Variants in SLF1 observed in about 807,000 individuals in gnomAD.
SLF1 encodes the protein SMC5-SMC6 complex localization factor protein 1.
In SLF1, 105 loss-of-function variants were observed where a neutral mutation model predicts 123.0. The observed-to-expected ratio is 0.85, with a 90% CI of 0.73 to 1.00. The LOEUF is 1.00. Among genes scored for constraint, SLF1 ranks in the 50% least tolerant of loss-of-function variants. SLF1 has a pLI of 0.00. For missense variants in SLF1, 1,239 were observed against 1,223.0 expected, an observed-to-expected ratio of 1.01 and a Z score of -0.20; for synonymous variants, 434 against 406.6, an observed-to-expected ratio of 1.07 and a Z score of -0.81.
chr5:94,682,692 A>G (rs1751949505), intron 15 of SLF1, among the ~76,000 whole-genome samples: 1 of 152,228 alleles, frequency 6.6e-6, no homozygotes, highest in South Asian at 2.1e-4. Flanking sequence ...TCTCATGTTC[A>G]TCAGTTCCAT....
intron 10 of SLF1, among the ~76,000 whole-genome samples, chr5:94,662,714 A>T: frequency 6.6e-6 from 1 of 152,084 alleles, no homozygotes; most frequent in East Asian, 1.9e-4. Context: ...AAAGAAAATG[A>T]TACCTTTATT....
At position 94,695,403 on chromosome 5, in the gene SLF1, TTTGA is replaced by T. The variant is rs1169649124; in HGVS notation, c.*94_*97del. On this transcript the variant is annotated 3_prime_UTR_variant, in exon 21 of 21. Transcript: ENST00000265140. ...TTCATAGCTTACTGACAGATAGTAA[TTTGA>T]TTTATTTATTGACAGACTTTGCAGC... 6 of 1,353,562 alleles carry T rather than the reference TTTGA, an allele frequency of 4.4e-6. No individual in the cohort carries two copies. The highest frequency in any genetic ancestry group is 3.9e-6 in the Non-Finnish European group (4 of 1,032,308). 83.8% of individuals were successfully genotyped at this position (1,353,562 alleles called of 1,614,324 possible).
At chr5:94,639,924 A>G (rs1303493311) in intron 4 of SLF1, among the ~76,000 whole-genome samples, 1 of 152,150 alleles carries the variant, frequency 6.6e-6, no homozygotes, top group Non-Finnish European at 1.5e-5. Flanking sequence ...TCACGGGTCA[A>G]CTGTATTTCC....
At chr5:94,659,331 A>G (rs1748788849) in intron 9 of SLF1, among the ~76,000 whole-genome samples, 3 of 151,576 alleles carry the variant, frequency 2.0e-5, no homozygotes, top group Admixed American at 1.3e-4. Flanking sequence ...TAGGAATTTC[A>G]TTGGTTTCCT....
chr5:94,657,768 G>A (rs1374716519), intron 9 of SLF1, among the ~76,000 whole-genome samples: 1 of 151,950 alleles, frequency 6.6e-6, no homozygotes, highest in East Asian at 1.9e-4. Context: ...ATATCTTCTT[G>A]CGGAATTGAT....
intron 4 of SLF1, among the ~76,000 whole-genome samples, chr5:94,636,264 T>C (rs1046363455): frequency 6.6e-6 from 1 of 152,236 alleles, no homozygotes; most frequent in African/African-American, 2.4e-5. Flanking sequence ...CTTGGTATAC[T>C]CCTTTGGGTT....
chr5:94,652,699 C>G (rs188567618), intron 7 of SLF1, among the ~76,000 whole-genome samples: 202 of 152,202 alleles, frequency 1.3e-3, no homozygotes, highest in Non-Finnish European at 4.6e-4. Flanking sequence ...AGTAATTTCT[C>G]TAGCTTAGTT....
At chr5:94,692,434 TA>T (rs373463147) in intron 20 of SLF1, among the ~76,000 whole-genome samples, 178 bp downstream of exon 20, 21 of 152,280 alleles carry the variant, frequency 1.4e-4, no homozygotes, top group African/African-American at 4.8e-4. Context: ...TTATTAGAGA[TA>T]AAATCCTTTT....
intron 15 of SLF1, among the ~76,000 whole-genome samples, chr5:94,682,628 C>G (rs1751935729): frequency 6.6e-6 from 1 of 152,106 alleles, no homozygotes; most frequent in African/African-American, 2.4e-5. Context: ...ATTGTTTTGT[C>G]AAGAATTAAG....
chr5:94,652,091 T>A (rs1279681801), intron 7 of SLF1, among the ~76,000 whole-genome samples: 1 of 151,774 alleles, frequency 6.6e-6, no homozygotes, highest in Non-Finnish European at 1.5e-5. Flanking sequence ...CACTGCAACC[T>A]CTGCCTCCTG....
At chr5:94,675,308 G>A (rs1201514090) in intron 14 of SLF1, among the ~76,000 whole-genome samples, 1 of 152,184 alleles carries the variant, frequency 6.6e-6, no homozygotes, top group Non-Finnish European at 1.5e-5. Flanking sequence ...GAATTCTAAG[G>A]TAAATATATA....
chr5:94,673,909 A>G (rs1750759067), intron 14 of SLF1, among the ~76,000 whole-genome samples: 1 of 152,070 alleles, frequency 6.6e-6, no homozygotes, highest in South Asian at 2.1e-4. Flanking sequence ...TGATCAAGTA[A>G]TCCTATTATT....
chr5:94,635,361 T>A (rs1745648665), intron 4 of SLF1, among the ~76,000 whole-genome samples: 1 of 138,848 alleles, frequency 7.2e-6, no homozygotes, highest in Non-Finnish European at 1.6e-5. Flanking sequence ...TTTTTTTTTT[T>A]GCTTTTTCAA....
In SLF1 at chr5:94,630,634, C is replaced by T; in HGVS notation, c.322C>T (p.Pro108Ser). 1.9e-6 allele frequency: 3 copies of T among 1,551,662 alleles called. No homozygotes were observed. The highest frequency in any genetic ancestry group is 2.6e-6 in the Non-Finnish European group (3 of 1,146,998). ...SRYSPQMQSA[P>S]KRWREELKRT... The stretch of plus-strand genomic sequence containing the variant: ...TTATTCACCTCAAATGCAATCTGCA[C>T]CTAAAAGATGGCGTGAAGAACTGAA... Residue 108 changes from proline to serine, a missense_variant, in exon 4 of 21, where the codon CCT becomes TCT. Transcript: ENST00000265140.
intron 4 of SLF1, among the ~76,000 whole-genome samples, chr5:94,631,951 A>G (rs1348958410): frequency 6.7e-6 from 1 of 149,688 alleles, no homozygotes. Flanking sequence ...TGCTGTCTCT[A>G]CAAAATTTTT....
At chr5:94,694,755 A>G in intron 20 of SLF1, 76 bp from the exon 21 acceptor site, 2 of 1,490,704 alleles carry the variant, frequency 1.3e-6, no homozygotes, top group Non-Finnish European at 1.8e-6. Context: ...ATGCTTTGGG[A>G]AAAAGGAGAA....
chr5:94,624,670 T>C lies in SLF1; in HGVS notation c.1-4141T>C. ...AAAGGACAAGCTTTAAATGAAACTT[T>C]TGGGTAACAGTGTTATAACAATTTT... On this transcript the variant is annotated intron_variant, in intron 1 of 20. Coordinates refer to ENST00000265140, the MANE Select transcript of SLF1 (RefSeq NM_032290.4). Among the ~76,000 whole-genome samples, 2 of 152,188 alleles carry C rather than the reference T, an allele frequency of 1.3e-5. 1 individual carries two copies.
At chr5:94,643,122 A>G (rs1321866511) in intron 4 of SLF1, 151 bp from the exon 5 acceptor site, 2 of 501,826 alleles carry the variant, frequency 4.0e-6, no homozygotes, top group Non-Finnish European at 6.9e-6. Flanking sequence ...AAGAAATTGC[A>G]GCCGTGTTCT....
At chr5:94,681,376 C>T (rs1287273951) in intron 15 of SLF1, among the ~76,000 whole-genome samples, 1 of 152,196 alleles carries the variant, frequency 6.6e-6, no homozygotes, top group Non-Finnish European at 1.5e-5. Context: ...AGGTGATCTG[C>T]CCACCTCGGC....
Sources: allele counts gnomAD v4.1 joint callset (sites outside exome capture counted in the v4.1 genomes callset), GRCh38; gene constraint gnomAD v4.1.1; transcripts MANE v1.5; gene names NCBI Gene and HGNC (gene_info 2026-07-23, HGNC 2026-07-21).